The following TRDN variants were observed in gnomAD, a reference collection of about 807,000 sequenced individuals.
TRDN encodes triadin in skeletal muscle.
A neutral mutation model predicts 149.7 loss-of-function variants in TRDN; 161 were observed. The observed-to-expected ratio is 1.08, with a 90% CI of 0.95 to 1.23. The LOEUF (loss-of-function observed/expected upper bound fraction) is 1.23. Among genes scored for constraint, TRDN ranks in the 50% most tolerant of loss-of-function variants. TRDN has a pLI of 0.00. For missense variants in TRDN, 896 were observed against 823.5 expected, an observed-to-expected ratio of 1.09 and a Z score of -1.08; for synonymous variants, 294 against 250.5, an observed-to-expected ratio of 1.17 and a Z score of -1.64.
In TRDN at chr6:123,272,967, G is replaced by A. The variant is rs777613395; in HGVS notation, c.1669C>T (p.Pro557Ser). ...ACAAATACCACCTGCAAAATACCTG[G>A]TTTACCATGAGAAACAGTCTTTTCT... The part of the protein sequence containing the change: ...KPEKTVSHGK[P>S]EEKVLKQVKA... The change falls in exon 29 of 41, where the codon CCA becomes TCA. Residue 557 changes from proline to serine, a missense_variant. Coordinates refer to ENST00000334268, the MANE Select transcript of TRDN (RefSeq NM_006073.4). The A allele has an allele frequency of 1.2e-5, 18 of 1,528,338 alleles. No individual in the cohort carries two copies. The South Asian group carries it at 2.3e-4, about 19-fold the overall frequency. 94.7% of individuals were successfully genotyped at this position (1,528,338 alleles called of 1,614,324 possible).
chr6:123,536,723 A>G (rs1325511446), intron 4 of TRDN, among the ~76,000 whole-genome samples: 1 of 150,684 alleles, frequency 6.6e-6, no homozygotes, highest in Non-Finnish European at 1.5e-5. Context: ...ATAAATAAAT[A>G]AATAAATAAA....
chr6:123,576,056 T>C (rs1782838632), intron 1 of TRDN, among the ~76,000 whole-genome samples: 1 of 152,146 alleles, frequency 6.6e-6, no homozygotes, highest in Non-Finnish European at 1.5e-5. Flanking sequence ...TCAAGATGTG[T>C]AGAGCAAATG....
At chr6:123,519,102 T>A (rs1779547527) in intron 5 of TRDN, among the ~76,000 whole-genome samples, 1 of 152,188 alleles carries the variant, frequency 6.6e-6, no homozygotes, top group Non-Finnish European at 1.5e-5. Flanking sequence ...AGTTTTTAGC[T>A]CAGGACAGAA....
chr6:123,526,427 G>A (rs1779952603), intron 5 of TRDN, among the ~76,000 whole-genome samples: 1 of 151,852 alleles, frequency 6.6e-6, no homozygotes, highest in Admixed American at 6.6e-5. Context: ...AGACTCAGCA[G>A]GCACCAAAGA....
chr6:123,255,105 G>C lies in TRDN; in HGVS notation c.1927C>G (p.Leu643Val). Reference protein sequence around the residue: ...EEKVSTRKESLQLHNVTKAEK... With the variant: ...EEKVSTRKESVQLHNVTKAEK... ...CCTTTTGTCACATTGTGTAATTGAA[G>C]ACTTTCTTTTCTTGTTGAGACTGTT... The change falls in exon 37 of 41, where the codon CTT (leucine) becomes GTT (valine). Residue 643 changes from leucine to valine, a missense_variant. Physicochemically the swap from Leu to Val is conservative, Grantham distance 32 (BLOSUM62 1). Coordinates refer to ENST00000334268, the MANE Select transcript of TRDN (RefSeq NM_006073.4). 1 of 1,378,118 alleles carries C rather than the reference G, an allele frequency of 7.3e-7. No individual in the cohort carries two copies. The highest frequency in any genetic ancestry group is 2.6e-5 in the East Asian group (1 of 38,920). 85.4% of individuals were successfully genotyped at this position (1,378,118 alleles called of 1,614,324 possible). A position where few individuals can be genotyped will look rare whatever the true frequency, so the allele number is the denominator to read the frequency against.
chr6:123,330,563 A>C (rs1371910337), intron 23 of TRDN, among the ~76,000 whole-genome samples: 1 of 152,124 alleles, frequency 6.6e-6, no homozygotes, highest in Admixed American at 6.6e-5. Flanking sequence ...CGATGAAAAG[A>C]AAGTTTTAGT....
At chr6:123,553,679 G>T (rs1363313977) in intron 2 of TRDN, among the ~76,000 whole-genome samples, 2 of 152,140 alleles carry the variant, frequency 1.3e-5, no homozygotes, top group African/African-American at 2.4e-5. Context: ...AAGGTGAAAG[G>T]CATGTCTTAC....
At chr6:123,323,947 G>T (rs1779350520) in intron 23 of TRDN, among the ~76,000 whole-genome samples, 1 of 152,198 alleles carries the variant, frequency 6.6e-6, no homozygotes, top group African/African-American at 2.4e-5. Context: ...GTGGCTGCAT[G>T]CATTTGTAGG....
chr6:123,486,053 G>A (rs1157366039), intron 9 of TRDN, among the ~76,000 whole-genome samples: 4 of 152,020 alleles, frequency 2.6e-5, no homozygotes, highest in African/African-American at 9.7e-5. Context: ...ACTGTAGTGA[G>A]TCTAATAAAT....
At chr6:123,634,892 TA>T (rs1366939732) in intron 1 of TRDN, among the ~76,000 whole-genome samples, 3 of 152,026 alleles carry the variant, frequency 2.0e-5, no homozygotes, top group Admixed American at 6.6e-5. Flanking sequence ...CTAATGTAAT[TA>T]TTTTTATGGG....
rs74319935 is a variant in TRDN, at chr6:123,231,743, G to C, written c.1976-7612C>G. Among the ~76,000 whole-genome samples, 1,135 of 152,130 alleles carry C rather than the reference G, an allele frequency of 7.5e-3. 5 individuals are homozygous for C. Among genetic ancestry groups the C allele is most frequent in the Non-Finnish European group, 0.013 (914 of 67,970 alleles). ...AGAATGACAAGTCAGAAAAGGGCCT[G>C]CTGGGGAGTGAATGCAATGGTTTAG... On this transcript the variant is annotated intron_variant, in intron 38 of 40. Coordinates refer to ENST00000334268, the MANE Select transcript of TRDN (RefSeq NM_006073.4).
At chr6:123,464,716 T>A in intron 10 of TRDN, 190 bp downstream of exon 10, 1 of 1,385,976 alleles carries the variant, frequency 7.2e-7, no homozygotes, top group Non-Finnish European at 9.3e-7. Context: ...TATAGAATCT[T>A]AAGGGGACAT....
chr6:123,363,489 T>C (rs1438315726), intron 20 of TRDN, among the ~76,000 whole-genome samples: 1 of 152,156 alleles, frequency 6.6e-6, no homozygotes, highest in Non-Finnish European at 1.5e-5. Flanking sequence ...CGTGCTGTAG[T>C]TGCAAATAAA....
intron 22 of TRDN, among the ~76,000 whole-genome samples, chr6:123,334,604 C>A (rs955439295): frequency 2.6e-5 from 4 of 152,004 alleles, no homozygotes; most frequent in African/African-American, 9.7e-5. Context: ...AGGACTATGT[C>A]CCTGTGGGTG....
chr6:123,633,639 T>C (rs1241537188), intron 1 of TRDN, among the ~76,000 whole-genome samples: 1 of 152,120 alleles, frequency 6.6e-6, no homozygotes, highest in Non-Finnish European at 1.5e-5. Context: ...TAATTTATTT[T>C]GCCAGAATCA....
chr6:123,519,077 T>C (rs555351458), intron 5 of TRDN, among the ~76,000 whole-genome samples: 14 of 152,324 alleles, frequency 9.2e-5, no homozygotes, highest in African/African-American at 3.4e-4. Context: ...TGGCAAGTTA[T>C]ATCTTAGCCA....
chr6:123,627,661 C>G (rs115011955), intron 1 of TRDN, among the ~76,000 whole-genome samples: 4,166 of 152,254 alleles, frequency 0.027, 206 homozygotes, highest in African/African-American at 0.094. Flanking sequence ...ATTGACTTCT[C>G]CTATCTAGCT....
intron 38 of TRDN, among the ~76,000 whole-genome samples, chr6:123,245,661 C>T (rs1776147346): frequency 6.6e-6 from 1 of 152,154 alleles, no homozygotes; most frequent in Non-Finnish European, 1.5e-5. Context: ...TAACATCCCA[C>T]TTTCAATACT....
chr6:123,267,801 A>T (rs1323307040), intron 31 of TRDN, 50 bp from the exon 32 acceptor site: 1 of 1,433,106 alleles, frequency 7.0e-7, no homozygotes, highest in African/African-American at 1.5e-5. Flanking sequence ...TCTTTGGCAA[A>T]TATTTCTTAT....
Sources: allele counts gnomAD v4.1 joint callset (sites outside exome capture counted in the v4.1 genomes callset), GRCh38; gene constraint gnomAD v4.1.1; transcripts MANE v1.5; gene names NCBI Gene and HGNC (gene_info 2026-07-23, HGNC 2026-07-21).